The following ZFAT variants were observed in gnomAD, a reference collection of about 807,000 sequenced individuals.
The protein encoded by ZFAT is zinc finger and AT-hook domain containing, also known as zinc finger protein ZFAT.
ZFAT carries 64 observed loss-of-function variants against 117.7 expected under a neutral mutation model. The ratio of observed to expected loss-of-function variants is 0.54; its 90% CI spans 0.44 to 0.67. ZFAT has a LOEUF of 0.67. ZFAT is among the 30% of genes least tolerant of loss of function. The pLI is 0.00. For synonymous variants in ZFAT, 679 were observed against 615.0 expected (o/e 1.10, Z -1.54); for missense variants, 1,433 against 1,584.5 (o/e 0.90, Z 1.62).
intron 1 of ZFAT, among the ~76,000 whole-genome samples, chr8:134,672,018 A>C (rs1832584725): frequency 6.6e-6 from 1 of 152,238 alleles, no homozygotes; most frequent in East Asian, 1.9e-4. Context: ...CTTCAAAGAG[A>C]ATAAAATACC....
intron 11 of ZFAT, among the ~76,000 whole-genome samples, chr8:134,558,004 C>T (rs1459415161): frequency 6.6e-6 from 1 of 152,238 alleles, no homozygotes; most frequent in East Asian, 1.9e-4. Flanking sequence ...GGGGCCCCTG[C>T]ATCAGAACCT....
chr8:134,603,049 C>T (rs559844909), intron 5 of ZFAT, 116 bp from the exon 6 acceptor site: 124 of 1,397,812 alleles, frequency 8.9e-5, no homozygotes, highest in African/African-American at 6.6e-4. Context: ...ACTGGACAGA[C>T]GCTGGATGGG....
chr8:134,566,055 T>C (rs545107886), intron 10 of ZFAT, among the ~76,000 whole-genome samples: 1 of 152,114 alleles, frequency 6.6e-6, no homozygotes, highest in African/African-American at 2.4e-5. Flanking sequence ...TTGGGGAGAA[T>C]GCTAGAAAGA....
At chr8:134,572,691 A>T (rs1825011323) in intron 10 of ZFAT, among the ~76,000 whole-genome samples, 1 of 152,178 alleles carries the variant, frequency 6.6e-6, no homozygotes, top group Non-Finnish European at 1.5e-5. Flanking sequence ...TGTCATTCTG[A>T]GCCACACCTT....
At position 134,637,546 on chromosome 8, in the gene ZFAT, G is replaced by A; in HGVS notation, c.363C>T (p.Cys121=). 1.9e-6 allele frequency: 3 copies of A among 1,614,256 alleles called. No individual in the cohort carries two copies. Among genetic ancestry groups the A allele is most frequent in the Non-Finnish European group, 2.5e-6 (3 of 1,180,034 alleles). ...LPPSSLECSK[C]CRKFSNTRQL... The stretch of plus-strand genomic sequence containing the variant: ...GGCGCGTGTTGGAGAACTTCCGACA[G>A]CACTTGCTACACTCCAAGCTGCTTG... The change falls in exon 3 of 16, where the codon TGC becomes TGT. Residue 121 remains cysteine, a synonymous_variant. Transcript: ENST00000377838.
At chr8:134,588,201 G>T in intron 9 of ZFAT, 45 bp downstream of exon 9, 1 of 1,511,652 alleles carries the variant, frequency 6.6e-7, no homozygotes, top group Non-Finnish European at 8.9e-7. Context: ...AAGGATGGAA[G>T]CACAAAATTA....
At chr8:134,494,617 G>A (rs1818295754) in intron 15 of ZFAT, among the ~76,000 whole-genome samples, 1 of 152,174 alleles carries the variant, frequency 6.6e-6, no homozygotes, top group African/African-American at 2.4e-5. Context: ...GAGCAGTGAA[G>A]GAAAACGGAG....
intron 3 of ZFAT, among the ~76,000 whole-genome samples, chr8:134,633,251 T>G (rs1468927115): frequency 6.6e-6 from 1 of 152,178 alleles, no homozygotes; most frequent in East Asian, 1.9e-4. Flanking sequence ...AGTGCCTACC[T>G]CTTAGCTGCT....
At chr8:134,535,352 C>T (rs1484830387) in intron 11 of ZFAT, among the ~76,000 whole-genome samples, 1 of 152,194 alleles carries the variant, frequency 6.6e-6, no homozygotes, top group Non-Finnish European at 1.5e-5. Context: ...CATCTTTCTG[C>T]AAAATCAGTT....
At chr8:134,494,276 A>C (rs1818266441) in intron 15 of ZFAT, among the ~76,000 whole-genome samples, 1 of 152,156 alleles carries the variant, frequency 6.6e-6, no homozygotes, top group South Asian at 2.1e-4. Flanking sequence ...TCCTTTGTAC[A>C]TTTCCACCTG....
chr8:134,801,336 T>A, the ZFAT span, among the ~76,000 whole-genome samples: 1 of 152,200 alleles, frequency 6.6e-6, no homozygotes, highest in African/African-American at 2.4e-5. Context: ...TAAAAATATA[T>A]TCCCACAAAT....
chr8:134,801,165 C>A, the ZFAT span, among the ~76,000 whole-genome samples: 2 of 152,016 alleles, frequency 1.3e-5, no homozygotes, highest in African/African-American at 4.8e-5. Context: ...TCTCCTCCCC[C>A]TCAACCCTCT....
At chr8:134,547,118 C>T (rs927299163) in intron 11 of ZFAT, among the ~76,000 whole-genome samples, 17 of 152,116 alleles carry the variant, frequency 1.1e-4, no homozygotes, top group African/African-American at 3.4e-4. Flanking sequence ...CAAGGCCCTG[C>T]GAAGTTAAGC....
intron 1 of ZFAT, among the ~76,000 whole-genome samples, chr8:134,683,504 G>A (rs937807900): frequency 6.6e-6 from 1 of 152,228 alleles, no homozygotes; most frequent in African/African-American, 2.4e-5. Flanking sequence ...TGTCAGAAAA[G>A]GGGAAGTTGA....
the ZFAT span, among the ~76,000 whole-genome samples, chr8:134,806,297 T>C: frequency 6.6e-6 from 1 of 152,276 alleles, no homozygotes; most frequent in Non-Finnish European, 1.5e-5. Flanking sequence ...AAATACTTTT[T>C]GTTTAATGTT....
intron 1 of ZFAT, among the ~76,000 whole-genome samples, chr8:134,711,682 C>T (rs1814004218): frequency 6.6e-6 from 1 of 152,162 alleles, no homozygotes; most frequent in African/African-American, 2.4e-5. Context: ...GTCTCCTGAC[C>T]CAATATTCGG....
At chr8:134,533,670 T>G (rs1369075846) in intron 11 of ZFAT, among the ~76,000 whole-genome samples, 1 of 152,248 alleles carries the variant, frequency 6.6e-6, no homozygotes. Context: ...AGGTAAAATC[T>G]ATTTCTCATG....
At chr8:134,609,360 A>G (rs1828146071) in intron 4 of ZFAT, among the ~76,000 whole-genome samples, 1 of 152,174 alleles carries the variant, frequency 6.6e-6, no homozygotes, top group African/African-American at 2.4e-5. Context: ...TTTTAGAAAA[A>G]TCATAGAAAC....
In ZFAT at chr8:134,478,877, C is replaced by T. The variant is rs914672974; in HGVS notation, c.3493-156G>A. Reference sequence around the variant, plus strand: ...CTACCAGGCTGTGCTTGCTCTCATGCCCATTTTACAGCTGAACAGAATGAG... The same window carrying T: ...CTACCAGGCTGTGCTTGCTCTCATGTCCATTTTACAGCTGAACAGAATGAG... On this transcript the variant is annotated intron_variant, in intron 15 of 15. Coordinates refer to ENST00000377838, the MANE Select transcript of ZFAT (RefSeq NM_020863.4). This position sits in a 1 kb window ranked among gnomAD's most constrained non-coding sequence, Gnocchi z 5.2. Among the ~76,000 whole-genome samples the T allele has an allele frequency of 1.3e-5, 2 of 152,216 alleles. No homozygotes were observed. The highest frequency in any genetic ancestry group is 4.8e-5 in the African/African-American group (2 of 41,460).
Sources: allele counts gnomAD v4.1 joint callset (sites outside exome capture counted in the v4.1 genomes callset), GRCh38; gene constraint gnomAD v4.1.1; non-coding constraint Gnocchi (gnomAD v3.1); transcripts MANE v1.5; gene names NCBI Gene and HGNC (gene_info 2026-07-23, HGNC 2026-07-21).